The following MRTFA variants were observed in gnomAD, a reference collection of about 807,000 sequenced individuals.
MRTFA encodes myocardin-related transcription factor A.
In MRTFA, 20 loss-of-function variants were observed where a neutral mutation model predicts 83.5. That is an observed-to-expected ratio of 0.24 (90% confidence interval 0.17 to 0.35). The LOEUF (loss-of-function observed/expected upper bound fraction) is 0.35, where lower values mean the gene tolerates loss of function less well. Among genes scored for constraint, MRTFA ranks in the 10% least tolerant of loss-of-function variants. The pLI is 1.00. For missense variants in MRTFA, 1,200 were observed against 1,224.7 expected, an observed-to-expected ratio of 0.98 and a Z score of 0.30; for synonymous variants, 659 against 541.2, an observed-to-expected ratio of 1.22 and a Z score of -3.02.
intron 3 of MRTFA, among the ~76,000 whole-genome samples, chr22:40,494,933 CTA>C (rs1164994306): frequency 6.6e-6 from 1 of 151,966 alleles, no homozygotes; most frequent in African/African-American, 2.4e-5. Context: ...TGGAAATAAT[CTA>C]TATGTCTTGA....
rs751527349 is a variant in MRTFA, at chr22:40,419,012, A to G, written c.1726T>C (p.Phe576Leu). The G allele has an allele frequency of 6.2e-7, 1 of 1,612,516 alleles. No individual in the cohort carries two copies. The stretch of plus-strand genomic sequence containing the variant: ...AGAGGTGATGTCACCATCTCACCAA[A>G]GGTGTCCCCGGGGGTGGAGTTTTCA... The change falls in exon 12 of 15, where the codon TTT becomes CTT. Residue 576 changes from phenylalanine to leucine, a missense_variant. Around this residue, in one of 2 missense-constraint regions of MRTFA, gnomAD observed 1,107 missense variants for 1,041.8 expected, o/e 1.06. Coordinates refer to ENST00000355630, the MANE Select transcript of MRTFA (RefSeq NM_020831.6).
At position 40,429,632 on chromosome 22, in the gene MRTFA, T is replaced by C. The variant is rs2053027597; in HGVS notation, c.575A>G (p.Glu192Gly). Residue 192 changes from glutamate to glycine, a missense_variant, in exon 7 of 15, where the codon GAG (glutamate) becomes GGG (glycine). Glu to Gly is a moderately conservative substitution (Grantham distance 98). This residue lies in a region of MRTFA where 93 missense variants were observed against 182.9 expected (regional missense o/e 0.51). Coordinates refer to ENST00000355630, the MANE Select transcript of MRTFA (RefSeq NM_020831.6). ...AATGATGGCTTCCTTCAGGCTGGAC[T>C]CAACAGGAAGGATGTTCTTCTCCAC... is the stretch of plus-strand genomic sequence containing the variant. 6.2e-7 allele frequency: 1 copy of C among 1,614,144 alleles called. No individual in the cohort carries two copies. The highest frequency in any genetic ancestry group is 1.3e-5 in the African/African-American group (1 of 75,034).
At chr22:40,530,234 T>C (rs1325477774) in intron 3 of MRTFA, among the ~76,000 whole-genome samples, 4 of 152,228 alleles carry the variant, frequency 2.6e-5, no homozygotes, top group African/African-American at 4.8e-5. Flanking sequence ...GTCAGTACCA[T>C]GCCCCAATAT....
In MRTFA at chr22:40,576,484, T is replaced by C. The variant is rs1332594503; in HGVS notation, c.-22+18190A>G. On this transcript the variant is annotated intron_variant, in intron 2 of 14. Transcript: ENST00000355630. The stretch of plus-strand genomic sequence containing the variant: ...CCTAGCATCTCCCTAAATTGTTCAA[T>C]TTACACCATAAATTTACTTTTCCCA... Among the ~76,000 whole-genome samples the C allele has an allele frequency of 4.6e-5, 7 of 152,288 alleles. No individual in the cohort carries two copies. The East Asian group carries it at 1.4e-3, about 29-fold the overall frequency.
chr22:40,477,167 TAAAAATACAAAA>T (rs2054011388), intron 3 of MRTFA, among the ~76,000 whole-genome samples: 1 of 31,536 alleles, frequency 3.2e-5, no homozygotes. Context: ...CTGTCTCTAC[TAAAAATACAAAA>T]AAAAAAAAAA....
intron 3 of MRTFA, among the ~76,000 whole-genome samples, chr22:40,548,806 G>A (rs1209371953): frequency 6.6e-6 from 1 of 151,938 alleles, no homozygotes; most frequent in Non-Finnish European, 1.5e-5. Flanking sequence ...GGAGGTTGCA[G>A]TGAGTCAAGA....
At chr22:40,511,228 G>A (rs1391240089) in intron 3 of MRTFA, among the ~76,000 whole-genome samples, 1 of 152,032 alleles carries the variant, frequency 6.6e-6, no homozygotes, top group Non-Finnish European at 1.5e-5. Flanking sequence ...TCAAGGTAGA[G>A]GTAAAATCTA....
At chr22:40,576,908 C>T (rs2055875620) in intron 2 of MRTFA, among the ~76,000 whole-genome samples, 1 of 152,048 alleles carries the variant, frequency 6.6e-6, no homozygotes, top group South Asian at 2.1e-4. Context: ...TAGTGAGACA[C>T]TCATCTCTAT....
chr22:40,585,635 G>C (rs1036524212), intron 2 of MRTFA, among the ~76,000 whole-genome samples: 2 of 152,198 alleles, frequency 1.3e-5, no homozygotes, highest in African/African-American at 2.4e-5. Context: ...AACATGACCA[G>C]AATAACATTT....
intron 1 of MRTFA, among the ~76,000 whole-genome samples, chr22:40,630,727 A>G (rs1039042986): frequency 2.0e-5 from 3 of 152,180 alleles, no homozygotes; most frequent in Non-Finnish European, 4.4e-5. Context: ...TACTTGAGAC[A>G]GTGTCTCATC....
chr22:40,569,371 G>T, intron 2 of MRTFA: 1 of 209,088 alleles, frequency 4.8e-6, no homozygotes, highest in South Asian at 9.8e-5. Context: ...ACCAGACCAG[G>T]AATGGCTGGC....
At chr22:40,485,114 A>T (rs1292432664) in intron 3 of MRTFA, among the ~76,000 whole-genome samples, 1 of 152,094 alleles carries the variant, frequency 6.6e-6, no homozygotes. Flanking sequence ...TGATCAAATA[A>T]TTCCTCCATA....
intron 3 of MRTFA, among the ~76,000 whole-genome samples, chr22:40,541,797 G>A (rs2055295197): frequency 6.6e-6 from 1 of 151,682 alleles, no homozygotes; most frequent in Admixed American, 6.6e-5. Flanking sequence ...CTCCCAAGTA[G>A]CTGGGATTAC....
At chr22:40,413,137 CAAAAAAAAAAAA>C (rs35119560) in intron 14 of MRTFA, among the ~76,000 whole-genome samples, 5 of 28,144 alleles carry the variant, frequency 1.8e-4, no homozygotes, top group South Asian at 1.4e-3. Context: ...CACCCTGTCT[CAAAAAAAAAAAA>C]AAAAAAAAAA....
At chr22:40,471,625 G>C (rs1279124932) in intron 3 of MRTFA, among the ~76,000 whole-genome samples, 1 of 152,214 alleles carries the variant, frequency 6.6e-6, no homozygotes, top group Non-Finnish European at 1.5e-5. Context: ...GCTCATGCTT[G>C]TAATTCCAGC....
At chr22:40,470,267 A>ATATATATATC (rs2053883426) in intron 3 of MRTFA, among the ~76,000 whole-genome samples, 1 of 120,410 alleles carries the variant, frequency 8.3e-6, no homozygotes, top group Admixed American at 8.8e-5. Context: ...ATATATATAT[A>ATATATATATC]TATATATATA....
intron 1 of MRTFA, among the ~76,000 whole-genome samples, chr22:40,621,458 C>T (rs1177730652): frequency 3.9e-5 from 6 of 152,000 alleles, no homozygotes; most frequent in Non-Finnish European, 8.8e-5. Flanking sequence ...TTCACAGGGG[C>T]TGGGGAGAGG....
chr22:40,484,098 G>C (rs149279937), intron 3 of MRTFA, among the ~76,000 whole-genome samples: 226 of 151,694 alleles, frequency 1.5e-3, no homozygotes, highest in African/African-American at 5.1e-3. Context: ...TAGATAGATA[G>C]ATAATTAGAT....
intron 3 of MRTFA, among the ~76,000 whole-genome samples, chr22:40,473,415 T>A (rs964134887): frequency 6.6e-6 from 1 of 152,184 alleles, no homozygotes; most frequent in Admixed American, 6.5e-5. Context: ...CACTTCGGCC[T>A]CCCAAAGTGC....
Sources: allele counts gnomAD v4.1 joint callset (sites outside exome capture counted in the v4.1 genomes callset), GRCh38; gene constraint gnomAD v4.1.1; regional missense constraint gnomAD v4.1.1; transcripts MANE v1.5; gene names NCBI Gene and HGNC (gene_info 2026-07-23, HGNC 2026-07-21).